Variants in NOS1AP observed in about 807,000 individuals in gnomAD.
NOS1AP encodes the protein nitric oxide synthase 1 adaptor protein.
In NOS1AP, 21 loss-of-function variants were observed where a neutral mutation model predicts 56.2. The ratio of observed to expected loss-of-function variants is 0.37; its 90% CI spans 0.26 to 0.54. The LOEUF (loss-of-function observed/expected upper bound fraction) is 0.54, where lower values mean the gene tolerates loss of function less well. NOS1AP is among the 20% of genes least tolerant of loss of function. The pLI is 0.84. For synonymous variants in NOS1AP, 270 were observed against 274.6 expected (o/e 0.98, Z 0.17); for missense variants, 522 against 657.8 (o/e 0.79, Z 2.26).
At chr1:162,277,601 T>C (rs1654782884) in intron 2 of NOS1AP, among the ~76,000 whole-genome samples, 1 of 152,196 alleles carries the variant, frequency 6.6e-6, no homozygotes, top group African/African-American at 2.4e-5. Context: ...AAGCGTACTA[T>C]GGGGAAATTC....
chr1:162,324,050 T>C (rs921734786), intron 4 of NOS1AP, among the ~76,000 whole-genome samples: 2 of 152,240 alleles, frequency 1.3e-5, no homozygotes, highest in Non-Finnish European at 2.9e-5. Context: ...TTCTAGATGA[T>C]GCTCCTCCAG....
At chr1:162,174,144 A>G (rs112741980) in intron 2 of NOS1AP, among the ~76,000 whole-genome samples, 43 of 152,002 alleles carry the variant, frequency 2.8e-4, no homozygotes, top group African/African-American at 4.6e-4. Flanking sequence ...CAATAGCAAA[A>G]ACTTGGAACC....
chr1:162,317,862 A>G (rs1656280811), intron 4 of NOS1AP: 1 of 152,212 alleles, frequency 6.6e-6, no homozygotes, highest in Admixed American at 6.5e-5. Context: ...TTTTATCAGG[A>G]CACTTTACTA....
At chr1:162,326,758 G>A (rs1193640593) in intron 4 of NOS1AP, among the ~76,000 whole-genome samples, 2 of 152,154 alleles carry the variant, frequency 1.3e-5, no homozygotes, top group East Asian at 3.9e-4. Context: ...AAGCAATCAG[G>A]CAGGAGGCAT....
chr1:162,355,989 G>GA (rs1237643482), intron 7 of NOS1AP, among the ~76,000 whole-genome samples: 1 of 152,204 alleles, frequency 6.6e-6, no homozygotes, highest in Non-Finnish European at 1.5e-5. Flanking sequence ...TTTAAACCCA[G>GA]AAGCAAAATT....
At position 162,189,572 on chromosome 1, in the gene NOS1AP, GA is replaced by G. The variant is rs1651551812; in HGVS notation, c.177+35099del. ...TCTGACAGAATGTTCTAGGCACTGG[GA>G]AACAGGTAAATAAGATAGGCGAGAT... On this transcript the variant is annotated intron_variant, in intron 2 of 9. Coordinates refer to ENST00000361897, the MANE Select transcript of NOS1AP (RefSeq NM_014697.3). 3.3e-5 allele frequency among the ~76,000 whole-genome samples: 5 copies of G among 152,310 alleles called. No individual in the cohort carries two copies. In the South Asian group the frequency reaches 1.0e-3, roughly 32 times the overall value.
intron 2 of NOS1AP, among the ~76,000 whole-genome samples, chr1:162,196,462 G>T (rs1651810518): frequency 6.6e-6 from 1 of 152,238 alleles, no homozygotes; most frequent in Non-Finnish European, 1.5e-5. Context: ...TTCAGAAGAT[G>T]TGGTGTGCAG....
chr1:162,090,344 T>C (rs933411311), intron 1 of NOS1AP, among the ~76,000 whole-genome samples: 6 of 148,740 alleles, frequency 4.0e-5, no homozygotes, highest in African/African-American at 1.5e-4. Flanking sequence ...CAGTTAAAAT[T>C]AGATGCTGCC....
intron 8 of NOS1AP, among the ~76,000 whole-genome samples, chr1:162,362,463 AG>A (rs1657936160): frequency 7.8e-6 from 1 of 127,496 alleles, no homozygotes; most frequent in Non-Finnish European, 1.6e-5. Context: ...AAAAAAAAGA[AG>A]AAAAAAGAAA....
intron 2 of NOS1AP, among the ~76,000 whole-genome samples, chr1:162,273,381 G>A (rs1441658966): frequency 1.3e-5 from 2 of 152,118 alleles, no homozygotes; most frequent in Non-Finnish European, 2.9e-5. Context: ...TAGCCAGGAT[G>A]GTCTCGATCT....
chr1:162,131,274 CTT>C (rs988021593), intron 1 of NOS1AP, among the ~76,000 whole-genome samples: 1 of 151,818 alleles, frequency 6.6e-6, no homozygotes, highest in Admixed American at 6.6e-5. Context: ...ATTAAAATAA[CTT>C]TATTAAATAA....
chr1:162,077,145 G>A (rs1469016282), intron 1 of NOS1AP, among the ~76,000 whole-genome samples: 1 of 152,126 alleles, frequency 6.6e-6, no homozygotes, highest in Non-Finnish European at 1.5e-5. Context: ...AACCATGTGT[G>A]ACCATTTGTG....
intron 2 of NOS1AP, among the ~76,000 whole-genome samples, chr1:162,284,802 C>T (rs1365145462): frequency 6.6e-6 from 1 of 152,164 alleles, no homozygotes; most frequent in Non-Finnish European, 1.5e-5. Context: ...CTGGGTGCCT[C>T]TTGCTATGCT....
Position 162,237,289 on chromosome 1 carries a change from T to C in NOS1AP, c.178-50055T>C, listed in dbSNP as rs150621757. Among the ~76,000 whole-genome samples, 292 of 152,340 alleles carry C rather than the reference T, an allele frequency of 1.9e-3. 1 individual carries two copies. Among genetic ancestry groups the C allele is most frequent in the African/African-American group, 6.6e-3 (275 of 41,574 alleles). On this transcript the variant is annotated intron_variant, in intron 2 of 9. Transcript: ENST00000361897. Reference sequence around the variant, plus strand: ...TAATGTCTTTTAATGTTGACTTCAATCCAGTAAAGCCCTTGTTAAGCCATT... The same window carrying C: ...TAATGTCTTTTAATGTTGACTTCAACCCAGTAAAGCCCTTGTTAAGCCATT...
intron 3 of NOS1AP, among the ~76,000 whole-genome samples, chr1:162,293,422 A>G (rs959769782): frequency 1.3e-4 from 20 of 152,204 alleles, no homozygotes; most frequent in African/African-American, 4.3e-4. Context: ...TCCACATATC[A>G]AAAGGAGAAA....
At chr1:162,090,698 TC>T (rs1345791424) in intron 1 of NOS1AP, among the ~76,000 whole-genome samples, 1 of 152,074 alleles carries the variant, frequency 6.6e-6, no homozygotes, top group African/African-American at 2.4e-5. Flanking sequence ...TTCTTATATT[TC>T]TTCTAGTTTA....
intron 1 of NOS1AP, among the ~76,000 whole-genome samples, chr1:162,081,774 A>ATATATATTTT: frequency 1.1e-4 from 5 of 44,056 alleles, no homozygotes; most frequent in Admixed American, 3.2e-4. Context: ...ATATATATAT[A>ATATATATTTT]TTTTTTTTTT....
In NOS1AP at chr1:162,069,707, G is replaced by C. The variant is rs1558085370; in HGVS notation, c.-471G>C. 1 of 152,500 alleles carries C rather than the reference G, an allele frequency of 6.6e-6. No individual in the cohort carries two copies. The highest frequency in any genetic ancestry group is 1.5e-5 in the Non-Finnish European group (1 of 67,968). 9.4% of individuals were successfully genotyped at this position (152,500 alleles called of 1,614,324 possible). A position where few individuals can be genotyped will look rare whatever the true frequency, so the allele number is the denominator to read the frequency against. On this transcript the variant is annotated 5_prime_UTR_variant, in exon 1 of 10. Transcript: ENST00000361897. Reference sequence around the variant, plus strand: ...GCCCGCCCCACAGGAGGAGCCGCTCGCTGGCGGCTGATCCAGCGTCTCCGT... The same window carrying C: ...GCCCGCCCCACAGGAGGAGCCGCTCCCTGGCGGCTGATCCAGCGTCTCCGT...
rs767248534 is a variant in NOS1AP at position 162,343,816 on chromosome 1, T to C, written c.454-19T>C. On this transcript the variant is annotated intron_variant, in intron 5 of 9. Transcript: ENST00000361897. ...TGCGCATCCTCACCCATCCTGTTCT[T>C]CTCCTTTCTCCTTCCCAGAGCCAAG... The C allele has an allele frequency of 1.9e-6, 3 of 1,613,908 alleles. No individual in the cohort carries two copies. Among genetic ancestry groups the C allele is most frequent in the African/African-American group, 2.7e-5 (2 of 74,930 alleles).
Sources: allele counts gnomAD v4.1 joint callset (sites outside exome capture counted in the v4.1 genomes callset), GRCh38; gene constraint gnomAD v4.1.1; transcripts MANE v1.5; gene names NCBI Gene and HGNC (gene_info 2026-07-23, HGNC 2026-07-21).